The following PMFBP1 variants were observed in gnomAD, a reference collection of about 807,000 sequenced individuals.
PMFBP1 encodes the protein polyamine modulated factor 1 binding protein 1.
PMFBP1 carries 131 observed loss-of-function variants against 137.8 expected under a neutral mutation model. The observed-to-expected ratio is 0.95, with a 90% CI of 0.82 to 1.10. PMFBP1 has a LOEUF of 1.10. Ranked by LOEUF, PMFBP1 falls within the 50% of genes least tolerant of loss-of-function variation. PMFBP1 has a pLI of 0.00. For missense variants in PMFBP1, 1,199 were observed against 1,175.4 expected (o/e 1.02, Z -0.29); for synonymous variants, 490 against 450.4 (o/e 1.09, Z -1.11).
At chr16:72,225,686 C>T in the PMFBP1 span, among the ~76,000 whole-genome samples, 8 of 146,122 alleles carry the variant, frequency 5.5e-5, no homozygotes, top group Middle Eastern at 3.4e-3. Flanking sequence ...CCACTCCAGC[C>T]GGGATGACAG....
chr16:72,247,700 G>A, the PMFBP1 span, among the ~76,000 whole-genome samples: 1 of 152,044 alleles, frequency 6.6e-6, no homozygotes. Context: ...GACTTCATAT[G>A]GGTTTTTGCT....
In PMFBP1 at chr16:72,150,615, A is replaced by G. The variant is rs770849746; in HGVS notation, c.629T>C (p.Met210Thr). The part of the protein sequence containing the change: ...KMLQGELGGI[M>T]GQEPENKGDH... Reference sequence around the variant, plus strand: ...GCCTGACTTAAGTCCTACCTGACCCATGATCCCGCCGAGTTCCCCCTGCAA... The same window carrying G: ...GCCTGACTTAAGTCCTACCTGACCCGTGATCCCGCCGAGTTCCCCCTGCAA... The change falls in exon 5 of 21, where the codon ATG (methionine) becomes ACG (threonine). Residue 210 changes from methionine (M) to threonine (T), a missense_variant. Coordinates refer to ENST00000237353, the MANE Select transcript of PMFBP1 (RefSeq NM_031293.3). The G allele has an allele frequency of 6.2e-7, 1 of 1,612,800 alleles. No individual in the cohort carries two copies. The highest frequency in any genetic ancestry group is 8.5e-7 in the Non-Finnish European group (1 of 1,180,000).
the PMFBP1 span, among the ~76,000 whole-genome samples, chr16:72,193,415 A>G: frequency 6.6e-6 from 1 of 152,164 alleles, no homozygotes; most frequent in Admixed American, 6.5e-5. Flanking sequence ...AAATAAATTT[A>G]TATGTATGAA....
At chr16:72,238,307 C>T in the PMFBP1 span, among the ~76,000 whole-genome samples, 1 of 152,192 alleles carries the variant, frequency 6.6e-6, no homozygotes, top group African/African-American at 2.4e-5. Context: ...ACCTTGCCAG[C>T]ATCTGTTATT....
At chr16:72,210,695 G>A in the PMFBP1 span, among the ~76,000 whole-genome samples, 1 of 152,332 alleles carries the variant, frequency 6.6e-6, no homozygotes, top group East Asian at 1.9e-4. Flanking sequence ...TTTCTCTGAT[G>A]TAATAGAGAC....
the PMFBP1 span, among the ~76,000 whole-genome samples, chr16:72,234,719 G>C: frequency 6.6e-6 from 1 of 152,114 alleles, no homozygotes; most frequent in Admixed American, 6.6e-5. Flanking sequence ...TCATGACTTT[G>C]TGTCATGAAG....
intron 9 of PMFBP1, among the ~76,000 whole-genome samples, chr16:72,135,077 C>T (rs868805080): frequency 9.2e-5 from 14 of 152,204 alleles, no homozygotes; most frequent in African/African-American, 3.4e-4. Flanking sequence ...GCCTTGTCAT[C>T]ATCTCTCCAA....
intron 5 of PMFBP1, among the ~76,000 whole-genome samples, chr16:72,146,595 C>T (rs2042810578): frequency 6.6e-6 from 1 of 152,188 alleles, no homozygotes; most frequent in Non-Finnish European, 1.5e-5. Context: ...TCTCTGTTTG[C>T]AGATGACATG....
At chr16:72,164,554 A>G (rs2043115046) in intron 3 of PMFBP1, 7 of 1,316,926 alleles carry the variant, frequency 5.3e-6, no homozygotes, top group African/African-American at 1.5e-5. Context: ...GACCTTGGAG[A>G]TAGATGGAAA....
chr16:72,226,404 G>C, the PMFBP1 span, among the ~76,000 whole-genome samples: 4 of 152,124 alleles, frequency 2.6e-5, no homozygotes, highest in Non-Finnish European at 5.9e-5. Flanking sequence ...TGGTGCGTAG[G>C]CTTCCACTGC....
rs1201613493 is a variant in PMFBP1 at position 72,150,649 on chromosome 16, C to T, written c.595G>A (p.Val199Met). Residue 199 changes from valine (V) to methionine (M), a missense_variant, in exon 5 of 21, where the codon GTG (valine) becomes ATG (methionine). Coordinates refer to ENST00000237353, the MANE Select transcript of PMFBP1 (RefSeq NM_031293.3). ...CCGAGTTCCCCCTGCAACATCTTCA[C>T]TTGGCATTCTAGTAACTCGATGTTG... ...LSNIELLECQ[V>M]KMLQGELGGI... 1.1e-5 allele frequency: 18 copies of T among 1,613,936 alleles called. No individual in the cohort carries two copies. Among genetic ancestry groups the T allele is most frequent in the Non-Finnish European group, 1.4e-5 (17 of 1,180,016 alleles).
chr16:72,183,028 T>C, the PMFBP1 span, among the ~76,000 whole-genome samples: 2 of 152,018 alleles, frequency 1.3e-5, no homozygotes, highest in East Asian at 3.9e-4. Flanking sequence ...TCTTGGGGCT[T>C]TCTCCACTCC....
chr16:72,160,335 G>A (rs1257234331), intron 3 of PMFBP1, among the ~76,000 whole-genome samples: 1 of 152,132 alleles, frequency 6.6e-6, no homozygotes, highest in Admixed American at 6.5e-5. Flanking sequence ...TTAAAAAGAT[G>A]AGCACTTCAT....
chr16:72,248,935 A>C, the PMFBP1 span, among the ~76,000 whole-genome samples: 10 of 152,224 alleles, frequency 6.6e-5, no homozygotes, highest in African/African-American at 2.4e-4. Context: ...GGAAGAATTT[A>C]GGTCAATTAC....
chr16:72,217,860 G>A, the PMFBP1 span, among the ~76,000 whole-genome samples: 7 of 146,306 alleles, frequency 4.8e-5, no homozygotes, highest in East Asian at 1.2e-3. Flanking sequence ...AAAACAAAAC[G>A]TCCTAGAAAA....
At chr16:72,203,577 G>C in the PMFBP1 span, among the ~76,000 whole-genome samples, 18 of 152,096 alleles carry the variant, frequency 1.2e-4, no homozygotes. Flanking sequence ...CTGTTTCTCC[G>C]GCAGCACCAT....
the PMFBP1 span, among the ~76,000 whole-genome samples, chr16:72,246,836 C>T: frequency 1.6e-4 from 24 of 151,854 alleles, no homozygotes; most frequent in Non-Finnish European, 1.2e-4. Context: ...TCTAAATATA[C>T]AAGGAAGGAA....
At chr16:72,192,002 C>A in the PMFBP1 span, among the ~76,000 whole-genome samples, 2 of 152,180 alleles carry the variant, frequency 1.3e-5, no homozygotes, top group Non-Finnish European at 2.9e-5. Context: ...TGATCAAATG[C>A]GTGTGTGTGA....
In PMFBP1 at chr16:72,128,637, T is replaced by TG; in HGVS notation, c.2088+19dup. ...ACAGGGTTCAAATTCCTCACTCCCT[T>TG]GGGGTTCCTGTCTACTCACCTCTTT... On this transcript the variant is annotated intron_variant, in intron 14 of 20. Coordinates refer to ENST00000237353, the MANE Select transcript of PMFBP1 (RefSeq NM_031293.3). The TG allele has an allele frequency of 6.2e-7, 1 of 1,614,036 alleles. No homozygotes were observed. Among genetic ancestry groups the TG allele is most frequent in the Admixed American group, 1.7e-5 (1 of 60,012 alleles).
Sources: gnomAD v4.1 joint callset for allele counts (sites outside exome capture counted in the v4.1 genomes callset) on GRCh38, gnomAD v4.1.1 for gene constraint, MANE v1.5 for transcripts, NCBI Gene and HGNC (gene_info 2026-07-23, HGNC 2026-07-21) for gene names.